IARS2: variants seen among roughly 807,000 people sequenced by gnomAD.
IARS2 encodes the protein isoleucyl-tRNA synthetase 2, mitochondrial.
A neutral mutation model predicts 126.3 loss-of-function variants in IARS2; 56 were observed. The ratio of observed to expected loss-of-function variants is 0.44; its 90% CI spans 0.36 to 0.55. The LOEUF is 0.55. IARS2 is among the 20% of genes least tolerant of loss of function. The probability of loss-of-function intolerance (pLI) is 0.00; values close to 1 mark genes in which losing one functional copy is unlikely to be tolerated. For missense variants in IARS2, 1,127 were observed against 1,245.9 expected, an observed-to-expected ratio of 0.90 and a Z score of 1.44; for synonymous variants, 407 against 441.1, an observed-to-expected ratio of 0.92 and a Z score of 0.97.
intron 14 of IARS2, among the ~76,000 whole-genome samples, chr1:220,130,219 T>G (rs1475682581): frequency 2.6e-5 from 4 of 152,162 alleles, no homozygotes; most frequent in Non-Finnish European, 5.9e-5. Context: ...TTTTGTTGTT[T>G]CTTGTTTTTG....
intron 10 of IARS2, among the ~76,000 whole-genome samples, chr1:220,108,463 T>A (rs1656726585): frequency 1.3e-5 from 2 of 152,076 alleles, no homozygotes; most frequent in South Asian, 4.1e-4. Flanking sequence ...CTTGGCTCAC[T>A]GCAAGCTCTG....
At chr1:220,124,312 G>A (rs1346239372) in intron 12 of IARS2, among the ~76,000 whole-genome samples, 1 of 152,128 alleles carries the variant, frequency 6.6e-6, no homozygotes, top group Non-Finnish European at 1.5e-5. Context: ...GATACGACCA[G>A]TTCTGTTATT....
rs768984535 is a variant in IARS2 at position 220,110,781 on chromosome 1, T to A, written c.1328-5T>A. ...ATGTCTAATTTGGTGTTTTTTTTTT[T>A]AAAGTTATAAAGATGCTTCAGACTG... On this transcript the variant is annotated splice_region_variant and splice_polypyrimidine_tract_variant and intron_variant, in intron 10 of 22. Coordinates refer to ENST00000366922, the MANE Select transcript of IARS2 (RefSeq NM_018060.4). The A allele has an allele frequency of 7.7e-6, 12 of 1,564,560 alleles. No homozygotes were observed. The highest frequency in any genetic ancestry group is 2.8e-5 in the African/African-American group (2 of 71,864).
chr1:220,138,077 C>T (rs1362230414), intron 17 of IARS2, 34 bp downstream of exon 17: 1 of 1,596,760 alleles, frequency 6.3e-7, no homozygotes, highest in East Asian at 2.2e-5. Flanking sequence ...TTCTAAAGGA[C>T]AAGTTTGTCA....
At position 220,102,383 on chromosome 1, in the gene IARS2, C is replaced by A; in HGVS notation, c.720C>A (p.Tyr240Ter). The A allele has an allele frequency of 6.2e-7, 1 of 1,613,824 alleles. No individual in the cohort carries two copies. The highest frequency in any genetic ancestry group is 8.5e-7 in the Non-Finnish European group (1 of 1,179,936). ...MYDKGLVYRSYKPVFWSPSSR... is the reference protein window; with the variant it reads ...MYDKGLVYRS ...TATAGGGCTTGGTTTATCGATCTTACAAACCTGTGTTTTGGTCTCCGTCAT... is the reference window on the plus strand; with the variant it reads ...TATAGGGCTTGGTTTATCGATCTTAAAAACCTGTGTTTTGGTCTCCGTCAT... The change falls in exon 5 of 23, where the codon TAC becomes TAA. Residue 240 changes from tyrosine to a stop codon, truncating the protein, a stop_gained. Coordinates refer to ENST00000366922, the MANE Select transcript of IARS2 (RefSeq NM_018060.4). LOFTEE classifies it high-confidence loss of function.
intron 16 of IARS2, 26 bp downstream of exon 16, chr1:220,136,937 T>G: frequency 6.9e-7 from 1 of 1,449,774 alleles, no homozygotes; most frequent in Non-Finnish European, 9.6e-7. Context: ...AAATGTATTT[T>G]ATTTTCGTTT....
At chr1:220,103,844 T>C (rs1656629381) in intron 8 of IARS2, among the ~76,000 whole-genome samples, 1 of 152,236 alleles carries the variant, frequency 6.6e-6, no homozygotes, top group African/African-American at 2.4e-5. Flanking sequence ...TAAAATTGTT[T>C]TTATCTGTTT....
At chr1:220,114,815 T>TC (rs1656882000) in intron 12 of IARS2, among the ~76,000 whole-genome samples, 1 of 152,224 alleles carries the variant, frequency 6.6e-6, no homozygotes, top group African/African-American at 2.4e-5. Flanking sequence ...AGAATCACTC[T>TC]CACATTCTGA....
chr1:220,120,400 G>A (rs1657017130), intron 12 of IARS2, among the ~76,000 whole-genome samples: 1 of 150,140 alleles, frequency 6.7e-6, no homozygotes, highest in East Asian at 2.0e-4. Flanking sequence ...TTTTGAGATG[G>A]AGTCTCACTC....
In IARS2 at chr1:220,130,597, G is replaced by A. The variant is rs182564720; in HGVS notation, c.1837+3754G>A. On this transcript the variant is annotated intron_variant, in intron 14 of 22. Coordinates refer to ENST00000366922, the MANE Select transcript of IARS2 (RefSeq NM_018060.4). Reference sequence around the variant, plus strand: ...TTTTGAGACAGAGTCTCGCTCTGTCGCCCAGGCTGGAGTGCAGTGGCACGA... The same window carrying A: ...TTTTGAGACAGAGTCTCGCTCTGTCACCCAGGCTGGAGTGCAGTGGCACGA... Among the ~76,000 whole-genome samples the A allele has an allele frequency of 3.9e-3, 590 of 152,084 alleles. 5 individuals are homozygous for A. Among genetic ancestry groups the A allele is most frequent in the African/African-American group, 0.014 (577 of 41,506 alleles).
In IARS2 at chr1:220,095,967, AGAGTT is replaced by A. The variant is rs1056347074; in HGVS notation, c.268-132_268-128del. The stretch of plus-strand genomic sequence containing the variant: ...TTTCAGAAACCTCACCTTGTATTTC[AGAGTT>A]GAGTAGATTGGAATGGAATAGATTG... On this transcript the variant is annotated intron_variant, in intron 1 of 22. Transcript: ENST00000366922. 1.1e-5 allele frequency: 6 copies of A among 558,854 alleles called. No homozygotes were observed. In the African/African-American group the frequency reaches 1.1e-4, roughly 10 times the overall value. 34.6% of individuals were successfully genotyped at this position (558,854 alleles called of 1,614,324 possible).
intron 12 of IARS2, among the ~76,000 whole-genome samples, chr1:220,117,397 T>C (rs916023855): frequency 1.3e-5 from 2 of 151,538 alleles, no homozygotes; most frequent in African/African-American, 4.8e-5. Flanking sequence ...ACGGGGTTTC[T>C]CCATGTTGGT....
chr1:220,120,114 T>G (rs1484754077), intron 12 of IARS2, among the ~76,000 whole-genome samples: 1 of 150,760 alleles, frequency 6.6e-6, no homozygotes, highest in African/African-American at 2.4e-5. Context: ...GGAGTCTTGC[T>G]CTTGTTCCCC....
At chr1:220,134,593 C>A in intron 15 of IARS2, 83 bp downstream of exon 15, 1 of 730,780 alleles carries the variant, frequency 1.4e-6, no homozygotes, top group Non-Finnish European at 2.2e-6. Flanking sequence ...GATGATAAGG[C>A]ACCACTCTTG....
chr1:220,122,149 G>A (rs541218191), intron 12 of IARS2, among the ~76,000 whole-genome samples: 141 of 152,164 alleles, frequency 9.3e-4, no homozygotes, highest in African/African-American at 2.8e-3. Flanking sequence ...TAGTCATAAC[G>A]TTACTCACTT....
In IARS2 at chr1:220,094,214, A is replaced by T. The variant is rs1558116804; in HGVS notation, c.-3A>T. 1.3e-6 allele frequency: 2 copies of T among 1,565,824 alleles called. No individual in the cohort carries two copies. Among genetic ancestry groups the T allele is most frequent in the South Asian group, 2.4e-5 (2 of 84,530 alleles). ...GGACCCCGCTCTCAGGGGTTGCCGG[A>T]CCATGCGTTGGGGGCTGCGCCCTCG... On this transcript the variant is annotated 5_prime_UTR_variant, in exon 1 of 23. Coordinates refer to ENST00000366922, the MANE Select transcript of IARS2 (RefSeq NM_018060.4).
chr1:220,138,253 A>T (rs1008423280), intron 17 of IARS2, among the ~76,000 whole-genome samples: 25 of 152,146 alleles, frequency 1.6e-4, no homozygotes, highest in African/African-American at 5.3e-4. Flanking sequence ...CAGGTGGATC[A>T]CGAGGTCAGG....
At chr1:220,121,018 T>G (rs889427670) in intron 12 of IARS2, among the ~76,000 whole-genome samples, 3 of 152,194 alleles carry the variant, frequency 2.0e-5, no homozygotes, top group Non-Finnish European at 4.4e-5. Flanking sequence ...TAAAGCTTCT[T>G]CCCTTAAAAA....
chr1:220,106,536 T>G (rs1472958396), intron 9 of IARS2, among the ~76,000 whole-genome samples: 1 of 152,196 alleles, frequency 6.6e-6, no homozygotes, highest in Admixed American at 6.5e-5. Context: ...ACTTTTGTTA[T>G]TAAAGTTTAT....
Sources: gnomAD v4.1 joint callset for allele counts (sites outside exome capture counted in the v4.1 genomes callset) on GRCh38, gnomAD v4.1.1 for gene constraint, MANE v1.5 for transcripts, NCBI Gene and HGNC (gene_info 2026-07-23, HGNC 2026-07-21) for gene names.